The following SCOC variants were observed in gnomAD, a reference collection of about 807,000 sequenced individuals.
The protein encoded by SCOC is short coiled coil protein.
In SCOC, 7 loss-of-function variants were observed where a neutral mutation model predicts 9.9. The ratio of observed to expected loss-of-function variants is 0.71; its 90% CI spans 0.40 to 1.33. SCOC has a LOEUF of 1.33. SCOC is among the 40% of genes most tolerant of loss of function. The pLI is 0.01. For missense variants in SCOC, 66 were observed against 89.7 expected (o/e 0.74, Z 1.07); for synonymous variants, 19 against 28.2 (o/e 0.67, Z 1.03).
intron 1 of SCOC, among the ~76,000 whole-genome samples, chr4:140,308,641 G>A (rs1029543493): frequency 6.6e-6 from 1 of 152,196 alleles, no homozygotes; most frequent in Non-Finnish European, 1.5e-5. Flanking sequence ...CGGCTTGTCT[G>A]TGCACGCACG....
intron 1 of SCOC, among the ~76,000 whole-genome samples, chr4:140,288,127 C>T (rs1480279735): frequency 2.0e-5 from 3 of 151,994 alleles, no homozygotes; most frequent in Non-Finnish European, 4.4e-5. Flanking sequence ...ACTCATGCAC[C>T]ACACACAGCA....
intron 1 of SCOC, among the ~76,000 whole-genome samples, chr4:140,320,808 A>G (rs1485830870): frequency 3.3e-5 from 5 of 152,200 alleles, no homozygotes; most frequent in Admixed American, 3.3e-4. Context: ...GGAGAGGAGA[A>G]TACGAGGGAA....
chr4:140,376,125 A>G (rs944918314), intron 1 of SCOC, among the ~76,000 whole-genome samples: 3 of 152,182 alleles, frequency 2.0e-5, no homozygotes, highest in African/African-American at 7.2e-5. Context: ...AGTATCTGTT[A>G]TGATGTAGTA....
At chr4:140,264,029 G>A (rs765190295) in intron 1 of SCOC, among the ~76,000 whole-genome samples, 7 of 152,060 alleles carry the variant, frequency 4.6e-5, no homozygotes, top group African/African-American at 4.8e-5. Context: ...AGACAGGGTC[G>A]CTTGCTGTTG....
At chr4:140,285,261 A>T (rs1731232456) in intron 1 of SCOC, 1 of 456,666 alleles carries the variant, frequency 2.2e-6, no homozygotes, top group Admixed American at 2.3e-5. Flanking sequence ...AATCAGGAGC[A>T]GGTTTTTCTT....
intron 1 of SCOC, among the ~76,000 whole-genome samples, chr4:140,261,589 C>T (rs1403467226): frequency 2.6e-5 from 4 of 152,218 alleles, no homozygotes; most frequent in Admixed American, 2.0e-4. Context: ...GTGCAAGGCA[C>T]TTGCTAAATG....
chr4:140,269,002 C>T (rs541013722), intron 1 of SCOC, among the ~76,000 whole-genome samples: 8 of 152,216 alleles, frequency 5.3e-5, no homozygotes, highest in Non-Finnish European at 5.9e-5. Flanking sequence ...AAGATGAAGA[C>T]GGTCATGGGG....
chr4:140,265,603 T>G (rs918530626), intron 1 of SCOC, among the ~76,000 whole-genome samples: 4 of 152,216 alleles, frequency 2.6e-5, no homozygotes, highest in African/African-American at 9.6e-5. Context: ...AGCTCAGCAT[T>G]TGCCTTATTT....
At chr4:140,315,426 T>C (rs750180136) in intron 1 of SCOC, among the ~76,000 whole-genome samples, 4 of 152,202 alleles carry the variant, frequency 2.6e-5, no homozygotes, top group African/African-American at 4.8e-5. Flanking sequence ...TGACTGGAGA[T>C]CACCCAATTT....
At chr4:140,274,778 C>T (rs1292505139) in intron 1 of SCOC, among the ~76,000 whole-genome samples, 1 of 152,220 alleles carries the variant, frequency 6.6e-6, no homozygotes, top group Non-Finnish European at 1.5e-5. Flanking sequence ...TCTCAAAAGC[C>T]TTCAACCACT....
At chr4:140,366,475 T>C (rs1455988498) in intron 2 of SCOC, 1 of 1,555,078 alleles carries the variant, frequency 6.4e-7, no homozygotes, top group East Asian at 2.2e-5. Flanking sequence ...AGCTGCCTTT[T>C]GAAGCTTCTT....
intron 1 of SCOC, among the ~76,000 whole-genome samples, chr4:140,269,436 G>C (rs1172320387): frequency 6.6e-6 from 1 of 152,064 alleles, no homozygotes; most frequent in Non-Finnish European, 1.5e-5. Context: ...CCACTACATT[G>C]GAAAGGTCAC....
intron 1 of SCOC, among the ~76,000 whole-genome samples, chr4:140,320,346 TA>T (rs1207990103): frequency 2.6e-5 from 4 of 152,172 alleles, no homozygotes; most frequent in Non-Finnish European, 5.9e-5. Flanking sequence ...TCAAGAACCA[TA>T]AAAATGGGCA....
At chr4:140,290,168 C>T (rs1202602721) in intron 1 of SCOC, among the ~76,000 whole-genome samples, 1 of 152,226 alleles carries the variant, frequency 6.6e-6, no homozygotes, top group African/African-American at 2.4e-5. Context: ...AATGCTGATA[C>T]TCTGGCTGCT....
intron 1 of SCOC, among the ~76,000 whole-genome samples, chr4:140,279,918 G>T (rs1356482672): frequency 6.6e-6 from 1 of 152,124 alleles, no homozygotes; most frequent in African/African-American, 2.4e-5. Flanking sequence ...TCTCTCAAGG[G>T]CCCAAGATGG....
At chr4:140,370,888 T>C (rs1186835296), upstream of SCOC, among the ~76,000 whole-genome samples, 1 of 148,634 alleles carries the variant, frequency 6.7e-6, no homozygotes, top group Non-Finnish European at 1.5e-5. Context: ...CTGATTTGTC[T>C]GAATTCTTTT....
upstream of SCOC, among the ~76,000 whole-genome samples, chr4:140,340,466 A>C (rs1190485371): frequency 6.7e-6 from 1 of 149,958 alleles, no homozygotes; most frequent in Non-Finnish European, 1.5e-5. Context: ...AAGTATAATA[A>C]AAAAAAAAGA....
At chr4:140,316,529 T>C (rs966989763) in intron 1 of SCOC, among the ~76,000 whole-genome samples, 6 of 152,224 alleles carry the variant, frequency 3.9e-5, no homozygotes, top group Admixed American at 2.0e-4. Flanking sequence ...TTTAGTGTCC[T>C]AATTGAAAAA....
intron 1 of SCOC, among the ~76,000 whole-genome samples, chr4:140,378,015 G>A (rs574442660): frequency 7.2e-5 from 11 of 152,098 alleles, no homozygotes; most frequent in Non-Finnish European, 1.3e-4. Flanking sequence ...CATATTGAAT[G>A]AAATGATTGT....
Sources: allele counts gnomAD v4.1 joint callset (sites outside exome capture counted in the v4.1 genomes callset), GRCh38; gene constraint gnomAD v4.1.1; transcripts MANE v1.5; gene names NCBI Gene and HGNC (gene_info 2026-07-23, HGNC 2026-07-21).